Variants in GRXCR1 observed in about 807,000 individuals in gnomAD.
GRXCR1 encodes glutaredoxin and cysteine rich domain containing 1.
A neutral mutation model predicts 27.3 loss-of-function variants in GRXCR1; 27 were observed. That is an observed-to-expected ratio of 0.99 (90% confidence interval 0.73 to 1.37). The LOEUF (loss-of-function observed/expected upper bound fraction) is 1.37, where lower values mean the gene tolerates loss of function less well. Ranked by LOEUF, GRXCR1 falls within the 40% of genes most tolerant of loss-of-function variation. GRXCR1 has a pLI of 0.00. For missense variants in GRXCR1, 379 were observed against 354.4 expected, an observed-to-expected ratio of 1.07 and a Z score of -0.56; for synonymous variants, 122 against 131.1, an observed-to-expected ratio of 0.93 and a Z score of 0.47.
chr4:42,937,198 T>C (rs568282433), intron 1 of GRXCR1, among the ~76,000 whole-genome samples: 33 of 152,084 alleles, frequency 2.2e-4, no homozygotes, highest in African/African-American at 7.9e-4. Flanking sequence ...TACCACTTTA[T>C]TTTGTTGCTC....
At chr4:42,923,929 C>A (rs1747082020) in intron 1 of GRXCR1, among the ~76,000 whole-genome samples, 1 of 152,016 alleles carries the variant, frequency 6.6e-6, no homozygotes, top group African/African-American at 2.4e-5. Context: ...ATGGAGAAGA[C>A]CTTGAATTCA....
chr4:43,000,178 C>T (rs957019194), intron 2 of GRXCR1, among the ~76,000 whole-genome samples: 1 of 152,190 alleles, frequency 6.6e-6, no homozygotes, highest in Non-Finnish European at 1.5e-5. Context: ...GCCTGTTACT[C>T]ACTTAGAAGG....
chr4:42,922,308 C>A (rs145393072), intron 1 of GRXCR1, among the ~76,000 whole-genome samples: 12 of 152,172 alleles, frequency 7.9e-5, no homozygotes, highest in African/African-American at 2.6e-4. Context: ...CTCTCTAGCC[C>A]TAGGTCTGTC....
chr4:42,928,609 A>G (rs1747225846), intron 1 of GRXCR1, among the ~76,000 whole-genome samples: 1 of 151,986 alleles, frequency 6.6e-6, no homozygotes, highest in Admixed American at 6.6e-5. Flanking sequence ...GGTTTTAGAG[A>G]TAGGAGGCAC....
chr4:42,923,469 GC>G (rs1747069760), intron 1 of GRXCR1, among the ~76,000 whole-genome samples: 1 of 152,048 alleles, frequency 6.6e-6, no homozygotes, highest in African/African-American at 2.4e-5. Context: ...AGGTAACTTT[GC>G]CAGTTAAAAA....
At chr4:42,931,998 T>C (rs1005511277) in intron 1 of GRXCR1, among the ~76,000 whole-genome samples, 2 of 151,842 alleles carry the variant, frequency 1.3e-5, no homozygotes, top group Non-Finnish European at 2.9e-5. Flanking sequence ...CCATCACATC[T>C]CGTGAGACTT....
chr4:42,924,959 T>C (rs1747121574), intron 1 of GRXCR1, among the ~76,000 whole-genome samples: 1 of 151,924 alleles, frequency 6.6e-6, no homozygotes, highest in Non-Finnish European at 1.5e-5. Flanking sequence ...CTGTAAACAA[T>C]ATGCATTTGT....
intron 2 of GRXCR1, among the ~76,000 whole-genome samples, chr4:42,980,486 A>T (rs1748633666): frequency 6.6e-6 from 1 of 151,834 alleles, no homozygotes; most frequent in Non-Finnish European, 1.5e-5. Context: ...ATTTTATATC[A>T]TTGTAGTCAA....
chr4:42,970,108 G>C (rs540837320), intron 2 of GRXCR1, among the ~76,000 whole-genome samples: 1 of 152,100 alleles, frequency 6.6e-6, no homozygotes, highest in Non-Finnish European at 1.5e-5. Flanking sequence ...TCACATCCAG[G>C]GTATGCTAAT....
chr4:42,985,438 T>A (rs1272478131), intron 2 of GRXCR1, among the ~76,000 whole-genome samples: 1 of 152,170 alleles, frequency 6.6e-6, no homozygotes, highest in East Asian at 1.9e-4. Flanking sequence ...AAAAGTAAAT[T>A]AATCTGCTAT....
intron 1 of GRXCR1, among the ~76,000 whole-genome samples, chr4:42,929,543 C>T (rs1200403045): frequency 6.6e-6 from 1 of 151,798 alleles, no homozygotes; most frequent in Non-Finnish European, 1.5e-5. Flanking sequence ...ATGTGAGTTC[C>T]CTTAGAAACT....
At chr4:43,009,865 A>G (rs188544764) in intron 2 of GRXCR1, among the ~76,000 whole-genome samples, 10 of 152,266 alleles carry the variant, frequency 6.6e-5, no homozygotes, top group Non-Finnish European at 1.5e-4. Context: ...TATATTTTCT[A>G]TATATCTATC....
intron 1 of GRXCR1, among the ~76,000 whole-genome samples, chr4:42,899,023 ATAGAACT>A (rs901164445): frequency 2.6e-5 from 4 of 152,100 alleles, no homozygotes; most frequent in East Asian, 1.9e-4. Flanking sequence ...TTGTAAACTG[ATAGAACT>A]TAGAGTCCTG....
intron 2 of GRXCR1, among the ~76,000 whole-genome samples, chr4:42,988,685 C>T (rs1711858226): frequency 1.3e-5 from 2 of 152,020 alleles, no homozygotes. Context: ...GAATGAGAAC[C>T]TATAATATGG....
At chr4:42,919,522 G>T (rs1746961180) in intron 1 of GRXCR1, among the ~76,000 whole-genome samples, 1 of 152,100 alleles carries the variant, frequency 6.6e-6, no homozygotes, top group African/African-American at 2.4e-5. Flanking sequence ...TAAATCTGGG[G>T]TGTTGTGATT....
At chr4:42,926,277 A>G (rs1303392737) in intron 1 of GRXCR1, among the ~76,000 whole-genome samples, 1 of 152,010 alleles carries the variant, frequency 6.6e-6, no homozygotes, top group African/African-American at 2.4e-5. Flanking sequence ...GGGTGAATAC[A>G]GGTAAAAATA....
At chr4:42,971,855 G>A (rs974637404) in intron 2 of GRXCR1, among the ~76,000 whole-genome samples, 2 of 152,056 alleles carry the variant, frequency 1.3e-5, no homozygotes, top group Admixed American at 1.3e-4. Context: ...CATCTCCAAG[G>A]TACTTTTTAA....
intron 2 of GRXCR1, among the ~76,000 whole-genome samples, chr4:42,991,718 A>AT (rs563858695): frequency 6.6e-6 from 1 of 151,836 alleles, no homozygotes; most frequent in Admixed American, 6.6e-5. Flanking sequence ...TTTCTCAGTC[A>AT]TTTTTTTCAT....
chr4:42,918,440 A>G (rs920775995), intron 1 of GRXCR1, among the ~76,000 whole-genome samples: 1 of 151,962 alleles, frequency 6.6e-6, no homozygotes, highest in African/African-American at 2.4e-5. Flanking sequence ...TTTCTCCTCT[A>G]TGTTCCAGTT....
Sources: gnomAD v4.1 joint callset for allele counts (sites outside exome capture counted in the v4.1 genomes callset) on GRCh38, gnomAD v4.1.1 for gene constraint, MANE v1.5 for transcripts, NCBI Gene and HGNC (gene_info 2026-07-23, HGNC 2026-07-21) for gene names.